Variants in HERC6 observed in about 807,000 individuals in gnomAD.
HERC6 encodes probable E3 ubiquitin-protein ligase HERC6.
HERC6 carries 101 observed loss-of-function variants against 114.5 expected under a neutral mutation model. The ratio of observed to expected loss-of-function variants is 0.88; its 90% CI spans 0.75 to 1.04. The LOEUF is 1.04. Ranked by LOEUF, HERC6 falls within the 50% of genes least tolerant of loss-of-function variation. The pLI is 0.00. For missense variants in HERC6, 1,133 were observed against 1,230.9 expected (o/e 0.92, Z 1.19); for synonymous variants, 408 against 436.2 (o/e 0.94, Z 0.81).
At chr4:88,424,935 C>T (rs4365686) in intron 15 of HERC6, among the ~76,000 whole-genome samples, 59,903 of 151,986 alleles carry the variant, frequency 0.39, 14,003 homozygotes, top group East Asian at 0.68. Context: ...TCTGGTTGTC[C>T]TACTCGTGTT....
In HERC6 at chr4:88,379,055, T is replaced by C. The variant is rs759664341; in HGVS notation, c.134T>C (p.Leu45Pro). ...CTGCTGCTGACCAACCACAGGGTCCTCTCGTGCGGAGACAACAGCAGGGGT... is the reference window on the plus strand; with the variant it reads ...CTGCTGCTGACCAACCACAGGGTCCCCTCGTGCGGAGACAACAGCAGGGGT... Reference protein sequence around the residue: ...SLLLLTNHRVLSCGDNSRGQL... With the variant: ...SLLLLTNHRVPSCGDNSRGQL... The change falls in exon 1 of 23, where the codon CTC (leucine) becomes CCC (proline). Residue 45 changes from leucine (L) to proline (P), a missense_variant. Coordinates refer to ENST00000264346, the MANE Select transcript of HERC6 (RefSeq NM_017912.4). 1 of 1,557,456 alleles carries C rather than the reference T, an allele frequency of 6.4e-7. No homozygotes were observed. Among genetic ancestry groups the C allele is most frequent in the Non-Finnish European group, 8.7e-7 (1 of 1,152,142 alleles).
intron 8 of HERC6, among the ~76,000 whole-genome samples, chr4:88,401,351 G>A (rs1207724039): frequency 6.6e-6 from 1 of 151,890 alleles, no homozygotes; most frequent in African/African-American, 2.4e-5. Flanking sequence ...AAATTAGCCG[G>A]GTGTGGTGGA....
At position 88,406,081 on chromosome 4, in the gene HERC6, A is replaced by G. The variant is rs79614654; in HGVS notation, c.1274+468A>G. ...TTTGGTCTGATCCAATAGTTGAAAC[A>G]GTTCCTGTAATGCTCAATATTTGGG... On this transcript the variant is annotated intron_variant, in intron 10 of 22. Coordinates refer to ENST00000264346, the MANE Select transcript of HERC6 (RefSeq NM_017912.4). Among the ~76,000 whole-genome samples the G allele has an allele frequency of 2.0e-3, 311 of 152,370 alleles. 2 individuals are homozygous for G. Among genetic ancestry groups the G allele is most frequent in the African/African-American group, 6.9e-3 (287 of 41,592 alleles).
intron 12 of HERC6, among the ~76,000 whole-genome samples, chr4:88,415,137 T>G (rs1181247410): frequency 1.3e-5 from 2 of 152,178 alleles, no homozygotes; most frequent in Non-Finnish European, 2.9e-5. Context: ...TTGAAAGATA[T>G]TCTATATATA....
In HERC6 at chr4:88,413,176, G is replaced by A. The variant is rs1465132673; in HGVS notation, c.1468G>A (p.Val490Met). 1 of 1,613,512 alleles carries A rather than the reference G, an allele frequency of 6.2e-7. No homozygotes were observed. The highest frequency in any genetic ancestry group is 8.5e-7 in the Non-Finnish European group (1 of 1,179,576). ...SVFLLLPECP[V>M]MHDSKNWKNL... ...TTTCCTCCTGCTCCCAGAATGTCCT[G>A]TGATGCATGATTCTAAGAACTGGAA... Residue 490 changes from valine (V) to methionine (M), a missense_variant, in exon 12 of 23, where the codon GTG (valine) becomes ATG (methionine). Physicochemically the swap from Val to Met is conservative, Grantham distance 21. This residue lies in a region of HERC6 where 735 missense variants were observed against 754.0 expected (regional missense o/e 0.97). Transcript: ENST00000264346.
At chr4:88,381,669 T>A (rs2110225996) in intron 1 of HERC6, among the ~76,000 whole-genome samples, 1 of 151,446 alleles carries the variant, frequency 6.6e-6, no homozygotes, top group South Asian at 2.1e-4. Flanking sequence ...ACGGTTCTTC[T>A]GCCTCAGCCT....
chr4:88,398,751 T>C (rs1000344741), intron 8 of HERC6: 1 of 152,194 alleles, frequency 6.6e-6, no homozygotes, highest in African/African-American at 2.4e-5. Context: ...AAATTAATGA[T>C]GATAGATAAC....
At chr4:88,402,538 G>A (rs758522733) in intron 8 of HERC6, among the ~76,000 whole-genome samples, 33 of 152,278 alleles carry the variant, frequency 2.2e-4, no homozygotes, top group South Asian at 1.5e-3. Flanking sequence ...TGGAGCAGAG[G>A]AAAATAGTGG....
chr4:88,425,282 G>A, intron 15 of HERC6, among the ~76,000 whole-genome samples: 1 of 152,192 alleles, frequency 6.6e-6, no homozygotes, highest in Non-Finnish European at 1.5e-5. Context: ...CAGCAATGCA[G>A]AGTATTATCA....
chr4:88,397,204 C>T (rs1172116787), intron 7 of HERC6, among the ~76,000 whole-genome samples: 2 of 151,898 alleles, frequency 1.3e-5, no homozygotes, highest in Non-Finnish European at 2.9e-5. Flanking sequence ...CCTCCGCCTC[C>T]TGGGTTCAAG....
intron 8 of HERC6, 146 bp from the exon 9 acceptor site, chr4:88,404,730 C>T (rs551184006): frequency 1.7e-5 from 17 of 975,842 alleles, no homozygotes; most frequent in East Asian, 8.7e-5. Context: ...ATAGCCCTAC[C>T]GGTCTGACGC....
intron 11 of HERC6, among the ~76,000 whole-genome samples, chr4:88,410,784 G>A (rs957671475): frequency 3.3e-5 from 5 of 152,162 alleles, no homozygotes; most frequent in African/African-American, 1.2e-4. Context: ...TGGAGGAAAG[G>A]GAGAAGGGAG....
Position 88,379,054 on chromosome 4 carries a change from C to T in HERC6, c.133C>T (p.Leu45Phe), listed in dbSNP as rs555963611. 1.9e-5 allele frequency: 30 copies of T among 1,557,886 alleles called. No individual in the cohort carries two copies. In the East Asian group the frequency reaches 7.2e-4, roughly 38 times the overall value. Reference sequence around the variant, plus strand: ...GCTGCTGCTGACCAACCACAGGGTCCTCTCGTGCGGAGACAACAGCAGGGG... The same window carrying T: ...GCTGCTGCTGACCAACCACAGGGTCTTCTCGTGCGGAGACAACAGCAGGGG... ...SLLLLTNHRV[L>F]SCGDNSRGQL... Residue 45 changes from leucine to phenylalanine, a missense_variant, in exon 1 of 23, where the codon CTC becomes TTC. By Grantham distance (22) the Leu-to-Phe change is conservative (BLOSUM62 0). Transcript: ENST00000264346.
intron 1 of HERC6, among the ~76,000 whole-genome samples, chr4:88,379,687 A>AAT (rs10670260): frequency 0.046 from 1,981 of 43,000 alleles, 363 homozygotes; most frequent in East Asian, 0.2. Context: ...AATATATACA[A>AAT]ATATATAATA....
intron 17 of HERC6, 115 bp downstream of exon 17, chr4:88,431,420 T>A: frequency 3.4e-6 from 4 of 1,159,668 alleles, no homozygotes; most frequent in South Asian, 1.6e-5. Flanking sequence ...TTGCTACTCA[T>A]ATTTTGAGTA....
rs1263319238 is a variant in HERC6 at position 88,379,019 on chromosome 4, G to T, written c.98G>T (p.Arg33Leu). The T allele has an allele frequency of 1.3e-6, 2 of 1,568,612 alleles. No individual in the cohort carries two copies. The highest frequency in any genetic ancestry group is 3.7e-5 in the Admixed American group (2 of 53,424). The change falls in exon 1 of 23, where the codon CGC becomes CTC. Residue 33 changes from arginine to leucine, a missense_variant. Around this residue, in one of 3 missense-constraint regions of HERC6, gnomAD observed 735 missense variants for 754.0 expected, o/e 0.97. Transcript: ENST00000264346. ...AELLQAASGE[R>L]HSLLLLTNHR... Reference sequence around the variant, plus strand: ...CTACTGCAGGCGGCCAGCGGGGAGCGCCACTCTCTGCTGCTGCTGACCAAC... The same window carrying T: ...CTACTGCAGGCGGCCAGCGGGGAGCTCCACTCTCTGCTGCTGCTGACCAAC...
chr4:88,421,455 T>C (rs1196629283), intron 13 of HERC6, among the ~76,000 whole-genome samples: 3 of 151,476 alleles, frequency 2.0e-5, no homozygotes, highest in African/African-American at 7.3e-5. Flanking sequence ...TCTTTTCTTT[T>C]TTTTTTTTTT....
chr4:88,411,915 G>A (rs1560548741), intron 11 of HERC6, among the ~76,000 whole-genome samples: 1 of 152,158 alleles, frequency 6.6e-6, no homozygotes, highest in African/African-American at 2.4e-5. Context: ...CCACATTGGT[G>A]AGCTAAGACT....
At chr4:88,421,109 T>C (rs1304185113) in intron 13 of HERC6, among the ~76,000 whole-genome samples, 1 of 152,262 alleles carries the variant, frequency 6.6e-6, no homozygotes, top group East Asian at 1.9e-4. Context: ...TGTTGGAGTA[T>C]GTATGAGTAC....
Sources: allele counts gnomAD v4.1 joint callset (sites outside exome capture counted in the v4.1 genomes callset), GRCh38; gene constraint gnomAD v4.1.1; regional missense constraint gnomAD v4.1.1; transcripts MANE v1.5; gene names NCBI Gene and HGNC (gene_info 2026-07-23, HGNC 2026-07-21).